ARHGAP25: variants seen among roughly 807,000 people sequenced by gnomAD.
The protein encoded by ARHGAP25 is rho GTPase-activating protein 25.
ARHGAP25 carries 34 observed loss-of-function variants against 71.0 expected under a neutral mutation model. The ratio of observed to expected loss-of-function variants is 0.48; its 90% confidence interval spans 0.36 to 0.64. The LOEUF (loss-of-function observed/expected upper bound fraction) is 0.64, where lower values mean the gene tolerates loss of function less well. Among genes scored for constraint, ARHGAP25 ranks in the 30% least tolerant of loss-of-function variants. The probability of loss-of-function intolerance (pLI) is 0.00; values close to 1 mark genes in which losing one functional copy is unlikely to be tolerated. For missense variants in ARHGAP25, 706 were observed against 805.1 expected, an observed-to-expected ratio of 0.88 and a Z score of 1.49; for synonymous variants, 282 against 296.5, an observed-to-expected ratio of 0.95 and a Z score of 0.50.
chr2:68,793,546 G>T (rs182155137), intron 4 of ARHGAP25, among the ~76,000 whole-genome samples: 33 of 152,136 alleles, frequency 2.2e-4, no homozygotes, highest in African/African-American at 7.7e-4. Context: ...TTTCTCCAGG[G>T]TATGTTCTTA....
intron 4 of ARHGAP25, among the ~76,000 whole-genome samples, chr2:68,804,564 C>A (rs886368046): frequency 6.6e-6 from 1 of 152,202 alleles, no homozygotes; most frequent in Non-Finnish European, 1.5e-5. Context: ...TGTGACCCCT[C>A]AAAGGCAGAC....
rs143980628 is a variant in ARHGAP25 at position 68,815,148 on chromosome 2, A to T, written c.808-1141A>T. On this transcript the variant is annotated intron_variant, in intron 6 of 10. Coordinates refer to ENST00000409202, the MANE Select transcript of ARHGAP25 (RefSeq NM_001007231.3). ...CTTTCTTAATCTCAGCATCTTTGAG[A>T]GTTTCCACATCTGTGGCAATGCATG... is the stretch of plus-strand genomic sequence containing the variant. 2.3e-3 allele frequency among the ~76,000 whole-genome samples: 350 copies of T among 152,300 alleles called. 2 individuals are homozygous for T. Among genetic ancestry groups the T allele is most frequent in the African/African-American group, 8.1e-3 (335 of 41,548 alleles).
At chr2:68,737,474 T>C (rs148342614) in intron 1 of ARHGAP25, among the ~76,000 whole-genome samples, 32 of 152,300 alleles carry the variant, frequency 2.1e-4, no homozygotes, top group African/African-American at 7.0e-4. Flanking sequence ...AGCAGAATCC[T>C]TGGCCTCTAC....
At chr2:68,823,584 G>A (rs1277256563) in intron 10 of ARHGAP25, among the ~76,000 whole-genome samples, 1 of 152,206 alleles carries the variant, frequency 6.6e-6, no homozygotes, top group East Asian at 1.9e-4. Flanking sequence ...CACCCAGGAA[G>A]AGTGGAAGCT....
intron 1 of ARHGAP25, among the ~76,000 whole-genome samples, chr2:68,764,654 A>AGCGCACTTCCAAGTGC (rs1440174762): frequency 2.0e-5 from 3 of 152,188 alleles, no homozygotes. Context: ...AACATGCCCC[A>AGCGCACTTCCAAGTGC]GCCAGACCTC....
At chr2:68,750,525 C>T (rs1347903769) in intron 1 of ARHGAP25, among the ~76,000 whole-genome samples, 2 of 151,922 alleles carry the variant, frequency 1.3e-5, no homozygotes, top group South Asian at 2.1e-4. Context: ...TTTGCTATGT[C>T]GGCCAGGCTG....
At chr2:68,714,723 G>T (rs1231026151) in intron 2 of ARHGAP25, among the ~76,000 whole-genome samples, 1 of 152,022 alleles carries the variant, frequency 6.6e-6, no homozygotes, top group African/African-American at 2.4e-5. Flanking sequence ...ATTTATTTCT[G>T]CCTTAATTTC....
chr2:68,778,471 C>A (rs1678081193), intron 2 of ARHGAP25, among the ~76,000 whole-genome samples: 1 of 152,134 alleles, frequency 6.6e-6, no homozygotes, highest in Non-Finnish European at 1.5e-5. Flanking sequence ...TTTCTAATGT[C>A]TCTTTAAAAA....
At chr2:68,730,713 C>G (rs987211084), upstream of ARHGAP25, among the ~76,000 whole-genome samples, 1 of 151,984 alleles carries the variant, frequency 6.6e-6, no homozygotes, top group Non-Finnish European at 1.5e-5. Flanking sequence ...GTGCATCAGA[C>G]CCTGGCCCCA....
chr2:68,817,163 G>T (rs928471184), intron 7 of ARHGAP25, among the ~76,000 whole-genome samples: 1 of 151,986 alleles, frequency 6.6e-6, no homozygotes, highest in African/African-American at 2.4e-5. Context: ...CATAAAATTG[G>T]ATTATAAATA....
chr2:68,752,823 G>A (rs1030267177), intron 1 of ARHGAP25, among the ~76,000 whole-genome samples: 2 of 151,968 alleles, frequency 1.3e-5, no homozygotes, highest in African/African-American at 4.8e-5. Context: ...AATATACTAT[G>A]CTTTAAAAAT....
chr2:68,712,103 A>C (rs772878694), intron 2 of ARHGAP25, among the ~76,000 whole-genome samples: 1 of 152,154 alleles, frequency 6.6e-6, no homozygotes, highest in Non-Finnish European at 1.5e-5. Flanking sequence ...GTCTTCCACA[A>C]TGGTTGAACT....
chr2:68,730,988 G>A (rs1298252512), upstream of ARHGAP25, among the ~76,000 whole-genome samples: 1 of 152,120 alleles, frequency 6.6e-6, no homozygotes, highest in Non-Finnish European at 1.5e-5. Context: ...TATCTTGCAC[G>A]GCAAGTTTAC....
At chr2:68,815,035 G>A (rs193121516) in intron 6 of ARHGAP25, among the ~76,000 whole-genome samples, 26 of 152,342 alleles carry the variant, frequency 1.7e-4, no homozygotes, top group African/African-American at 5.5e-4. Context: ...TCACCCCTGG[G>A]TTCTGGGGAA....
Position 68,712,293 on chromosome 2 carries a change from G to A in ARHGAP25, c.-18+1595G>A, listed in dbSNP as rs921474759. On this transcript the variant is annotated intron_variant and NMD_transcript_variant, in intron 2 of 7. Transcript: ENST00000463483. Reference sequence around the variant, plus strand: ...ATGATGAGCTTCTTTTCATATGTTCGTTGGCCACATAAATGTCTTCTTTTG... The same window carrying A: ...ATGATGAGCTTCTTTTCATATGTTCATTGGCCACATAAATGTCTTCTTTTG... 4.6e-5 allele frequency among the ~76,000 whole-genome samples: 7 copies of A among 152,246 alleles called. No individual in the cohort carries two copies. The East Asian group carries it at 7.7e-4, about 17-fold the overall frequency.
At chr2:68,755,687 G>GC (rs1676439672) in intron 1 of ARHGAP25, among the ~76,000 whole-genome samples, 1 of 152,108 alleles carries the variant, frequency 6.6e-6, no homozygotes, top group Non-Finnish European at 1.5e-5. Flanking sequence ...TCTACCTACC[G>GC]CTCTTGCGTC....
At chr2:68,793,078 G>A (rs192331416) in intron 4 of ARHGAP25, among the ~76,000 whole-genome samples, 239 of 152,074 alleles carry the variant, frequency 1.6e-3, no homozygotes, top group African/African-American at 5.2e-3. Context: ...GTCTTCTTTC[G>A]CAAATTGTCT....
chr2:68,766,706 C>T (rs1677141341), intron 1 of ARHGAP25, among the ~76,000 whole-genome samples: 1 of 150,610 alleles, frequency 6.6e-6, no homozygotes, highest in Admixed American at 6.6e-5. Flanking sequence ...ACTCCTCTCT[C>T]TCTCCCCTTC....
intron 2 of ARHGAP25, among the ~76,000 whole-genome samples, chr2:68,713,122 T>C (rs1194498094): frequency 6.6e-6 from 1 of 152,190 alleles, no homozygotes; most frequent in Non-Finnish European, 1.5e-5. Context: ...TTCACAATAT[T>C]GATTCTTCCT....
Sources: allele counts gnomAD v4.1 joint callset (sites outside exome capture counted in the v4.1 genomes callset), GRCh38; gene constraint gnomAD v4.1.1; transcripts MANE v1.5; gene names NCBI Gene and HGNC (gene_info 2026-07-23, HGNC 2026-07-21).